The following CLASRP variants were observed in gnomAD, a reference collection of about 807,000 sequenced individuals.
The protein encoded by CLASRP is CLK4-associating serine/arginine rich protein.
A neutral mutation model predicts 99.9 loss-of-function variants in CLASRP; 52 were observed. The ratio of observed to expected loss-of-function variants is 0.52; its 90% CI spans 0.42 to 0.66. The LOEUF is 0.66. Among genes scored for constraint, CLASRP ranks in the 30% least tolerant of loss-of-function variants. The probability of loss-of-function intolerance (pLI) is 0.00; values close to 1 mark genes in which losing one functional copy is unlikely to be tolerated. For synonymous variants in CLASRP, 379 were observed against 373.0 expected (o/e 1.02, Z -0.18); for missense variants, 848 against 999.2 (o/e 0.85, Z 2.04).
chr19:45,060,609 G>T lies in CLASRP; in HGVS notation c.845G>T (p.Arg282Leu). The T allele has an allele frequency of 6.2e-7, 1 of 1,605,932 alleles. No individual in the cohort carries two copies. The highest frequency in any genetic ancestry group is 8.5e-7 in the Non-Finnish European group (1 of 1,177,016). Residue 282 changes from arginine to leucine, a missense_variant, in exon 10 of 21, where the codon CGC (arginine) becomes CTC (leucine). Coordinates refer to ENST00000221455, the MANE Select transcript of CLASRP (RefSeq NM_007056.3). This position sits in a 1 kb window ranked among gnomAD's most constrained non-coding sequence, Gnocchi z 4.6. ...REFREKRLRG[R>L]KISPPSYARR... ...TTTCGGGAGAAGCGGCTGAGGGGTC[G>T]CAAGATCAGCCCACCCAGGTAGGGC...
chr19:45,046,531 T>G (rs1464910481), intron 2 of CLASRP, among the ~76,000 whole-genome samples: 1 of 152,176 alleles, frequency 6.6e-6, no homozygotes, highest in Non-Finnish European at 1.5e-5. Context: ...CGCTGTCCAC[T>G]CTAGGTTGTC....
At chr19:45,052,666 G>C in intron 3 of CLASRP, 125 bp from the exon 4 acceptor site, 1 of 678,374 alleles carries the variant, frequency 1.5e-6, no homozygotes, top group Non-Finnish European at 2.5e-6. Flanking sequence ...TGAGGGTCAT[G>C]GCATGGGGAC....
rs761623118 is a variant in CLASRP, at chr19:45,064,464, G to T, written c.1243G>T (p.Ala415Ser). Residue 415 changes from alanine (A) to serine (S), a missense_variant, in exon 13 of 21, where the codon GCC (alanine) becomes TCC (serine). This residue lies in a region of CLASRP where 489 missense variants were observed against 434.7 expected (regional missense o/e 1.12). Transcript: ENST00000221455. ...GGGCTACTACCGTTCCGGCCGCCACGCCCGCTCCCGGTCCCGCTCCTGGTC... is the reference window on the plus strand; with the variant it reads ...GGGCTACTACCGTTCCGGCCGCCACTCCCGCTCCCGGTCCCGCTCCTGGTC... ...GGGYYRSGRH[A>S]RSRSRSWSRS... The T allele has an allele frequency of 5.9e-6, 9 of 1,524,558 alleles. No individual in the cohort carries two copies. Among genetic ancestry groups the T allele is most frequent in the Middle Eastern group, 1.8e-4 (1 of 5,654 alleles). The allele number at this position is 1,524,558 out of a possible 1,614,324, so 94.4% of individuals were successfully genotyped here.
chr19:45,046,578 G>A (rs552831481), intron 2 of CLASRP, among the ~76,000 whole-genome samples: 1 of 152,220 alleles, frequency 6.6e-6, no homozygotes, highest in Non-Finnish European at 1.5e-5. Context: ...ACACTGGACT[G>A]TGAGCCCATG....
chr19:45,043,482 G>A, intron 2 of CLASRP, among the ~76,000 whole-genome samples: 1 of 151,892 alleles, frequency 6.6e-6, no homozygotes, highest in Non-Finnish European at 1.5e-5. Flanking sequence ...TGTGAGACTG[G>A]GGACTAATTA....
At chr19:45,050,207 T>TG (rs1971996651) in intron 2 of CLASRP, among the ~76,000 whole-genome samples, 3 of 39,476 alleles carry the variant, frequency 7.6e-5, no homozygotes, top group South Asian at 1.0e-3. Flanking sequence ...GGGAGTGGGG[T>TG]GGGGGGTGGG....
At chr19:45,057,999 T>C (rs565855736) in intron 7 of CLASRP, 101 bp downstream of exon 7, 103 of 1,465,290 alleles carry the variant, frequency 7.0e-5, no homozygotes, top group Non-Finnish European at 8.8e-5. Flanking sequence ...ACGAACCGTG[T>C]CTCTCTCCCT....
chr19:45,060,676 A>G lies in CLASRP; in HGVS notation c.863+49A>G, dbSNP rs1281089287. The G allele has an allele frequency of 6.9e-7, 1 of 1,442,336 alleles. No homozygotes were observed. The highest frequency in any genetic ancestry group is 2.2e-5 in the Admixed American group (1 of 46,104). 89.3% of individuals were successfully genotyped at this position (1,442,336 alleles called of 1,614,324 possible). ...ACCCTGCTGGCATCTGGGGGAGGAG[A>G]GCAGGGGCTTAGGGCCTGAGAAAGC... On this transcript the variant is annotated intron_variant, in intron 10 of 20. Transcript: ENST00000221455. This position sits in a 1 kb window ranked among gnomAD's most constrained non-coding sequence, Gnocchi z 4.6.
chr19:45,055,560 C>T (rs954235817), intron 5 of CLASRP, among the ~76,000 whole-genome samples: 10 of 152,246 alleles, frequency 6.6e-5, no homozygotes, highest in Non-Finnish European at 1.5e-4. Flanking sequence ...GCCAGCCGGG[C>T]ACGGTGGCTC....
chr19:45,049,594 C>T (rs1409739015), intron 2 of CLASRP, among the ~76,000 whole-genome samples: 1 of 152,208 alleles, frequency 6.6e-6, no homozygotes, highest in Non-Finnish European at 1.5e-5. Context: ...ACTGCACCTT[C>T]TCATCTGCTG....
intron 2 of CLASRP, among the ~76,000 whole-genome samples, chr19:45,044,300 G>C (rs1600093685): frequency 6.6e-6 from 1 of 152,254 alleles, no homozygotes; most frequent in East Asian, 1.9e-4. Context: ...TAAAGGTGAT[G>C]CCACGATAAC....
rs1167180872 is a variant in CLASRP, at chr19:45,044,429, G to C, written c.99+4118G>C. Among the ~76,000 whole-genome samples the C allele has an allele frequency of 2.0e-5, 3 of 152,184 alleles. No homozygotes were observed. The East Asian group carries it at 5.8e-4, about 29-fold the overall frequency. On this transcript the variant is annotated intron_variant, in intron 2 of 20. Coordinates refer to ENST00000221455, the MANE Select transcript of CLASRP (RefSeq NM_007056.3). ...TGGTTCTTACTATTTCCATTTTACA[G>C]AGGACAAAACTGGAGCACGGAGATA...
chr19:45,052,002 G>C (rs926590202), intron 2 of CLASRP, 69 bp from the exon 3 acceptor site: 6 of 1,209,750 alleles, frequency 5.0e-6, no homozygotes, highest in Admixed American at 1.9e-5. Context: ...TGCTAAGCTC[G>C]GTTGTGTGTG....
chr19:45,070,805 G>A lies in CLASRP; in HGVS notation c.1985G>A (p.Arg662His), dbSNP rs760718636. ...YSREYSSSRR[R>H]SRSRSRSPHY... ...GGCCCCTCCCTTTCTCTTTCCAGGC[G>A]CTCAAGGTCCCGATCCCGAAGCCCC... is the stretch of plus-strand genomic sequence containing the variant. Residue 662 changes from arginine (R) to histidine (H), a missense_variant and splice_region_variant, in exon 21 of 21, where the codon CGC (arginine) becomes CAC (histidine). Arg to His is a conservative substitution (Grantham distance 29). Coordinates refer to ENST00000221455, the MANE Select transcript of CLASRP (RefSeq NM_007056.3). The A allele has an allele frequency of 2.2e-5, 36 of 1,610,602 alleles. No homozygotes were observed. The highest frequency in any genetic ancestry group is 3.4e-5 in the Admixed American group (2 of 59,644).
intron 5 of CLASRP, among the ~76,000 whole-genome samples, chr19:45,055,393 G>A (rs1479408404): frequency 2.6e-5 from 4 of 152,192 alleles, no homozygotes; most frequent in African/African-American, 7.2e-5. Flanking sequence ...CAGGGAGAGC[G>A]AGGGCGCTTG....
At chr19:45,064,780 G>A (rs1485430226) in intron 13 of CLASRP, 150 bp downstream of exon 13, 1 of 1,404,886 alleles carries the variant, frequency 7.1e-7, no homozygotes, top group African/African-American at 1.5e-5. Context: ...CTCTTCCGCA[G>A]GAAGCCCTTG....
chr19:45,052,716 C>T, intron 3 of CLASRP, 75 bp from the exon 4 acceptor site: 1 of 1,086,966 alleles, frequency 9.2e-7, no homozygotes, highest in Non-Finnish European at 1.4e-6. Context: ...CCTCAGCTGG[C>T]AGGGAGCAGG....
At chr19:45,063,871 T>C in intron 11 of CLASRP, 141 bp from the exon 12 acceptor site, 1 of 1,153,022 alleles carries the variant, frequency 8.7e-7, no homozygotes, top group Non-Finnish European at 1.2e-6. Context: ...GGGTCTCCAC[T>C]GCCCTCCAGG....
chr19:45,066,646 AAAG>A (rs1967094193), intron 13 of CLASRP, among the ~76,000 whole-genome samples: 4 of 150,632 alleles, frequency 2.7e-5, no homozygotes, highest in South Asian at 2.1e-4. Context: ...AAAAAAAAAA[AAAG>A]AGCCCAAGCA....
Sources: gnomAD v4.1 joint callset for allele counts (sites outside exome capture counted in the v4.1 genomes callset) on GRCh38, gnomAD v4.1.1 for gene constraint, gnomAD v4.1.1 regional missense constraint, Gnocchi (gnomAD v3.1) non-coding constraint, MANE v1.5 for transcripts, NCBI Gene and HGNC (gene_info 2026-07-23, HGNC 2026-07-21) for gene names.